The following SLC19A1 variants were observed in gnomAD, a reference collection of about 807,000 sequenced individuals.
The protein encoded by SLC19A1 is reduced folate transporter.
Under a neutral mutation model 35.3 loss-of-function variants are expected in SLC19A1, and 37 were observed. That is an observed-to-expected ratio of 1.05 (90% CI 0.81 to 1.38). The LOEUF (loss-of-function observed/expected upper bound fraction) is 1.38. Ranked by LOEUF, SLC19A1 falls within the 40% of genes most tolerant of loss-of-function variation. SLC19A1 has a pLI of 0.00. For missense variants in SLC19A1, 831 were observed against 826.9 expected (o/e 1.00, Z -0.06); for synonymous variants, 460 against 398.5 (o/e 1.15, Z -1.84).
chr21:45,508,463 A>ATGGATGG (rs796574229), downstream of SLC19A1, among the ~76,000 whole-genome samples: 3 of 71,780 alleles, frequency 4.2e-5, 1 homozygote, highest in African/African-American at 6.0e-5. Flanking sequence ...GGATGGGTGG[A>ATGGATGG]TGGACAGGTG....
upstream of SLC19A1, among the ~76,000 whole-genome samples, chr21:45,543,506 A>G (rs1164169097): frequency 2.0e-5 from 3 of 152,218 alleles, no homozygotes; most frequent in Non-Finnish European, 4.4e-5. Flanking sequence ...TGTAGACAGC[A>G]CAATCCGCGA....
intron 1 of SLC19A1, among the ~76,000 whole-genome samples, chr21:45,550,450 G>A (rs943695924): frequency 1.3e-5 from 2 of 152,200 alleles, no homozygotes; most frequent in East Asian, 1.9e-4. Flanking sequence ...ACGTTTCCAC[G>A]TGGAAAGGGC....
rs1363413212 is a variant in SLC19A1 at position 45,503,968 on chromosome 21, C to G, written c.498-5356G>C. The G allele has an allele frequency of 8.1e-6, 13 of 1,612,102 alleles. No individual in the cohort carries two copies. The South Asian group carries it at 1.4e-4, about 18-fold the overall frequency. ...GGCTGCAGAGGGAACCCGGCGCTGT[C>G]AGACACCACCTCAGCGAGACCCCGC... On this transcript the variant is annotated intron_variant, in intron 3 of 4. Transcript: ENST00000417954.
At chr21:45,526,455 A>T (rs751828496) in intron 4 of SLC19A1, among the ~76,000 whole-genome samples, 1 of 152,218 alleles carries the variant, frequency 6.6e-6, no homozygotes, top group Non-Finnish European at 1.5e-5. Context: ...AATTTTGTGC[A>T]TGAAGAAACT....
intron 1 of SLC19A1, among the ~76,000 whole-genome samples, chr21:45,558,392 G>A (rs1044721850): frequency 2.0e-5 from 3 of 152,226 alleles, no homozygotes; most frequent in Non-Finnish European, 2.9e-5. Context: ...AATCTTTGAA[G>A]GATTCGCCCC....
downstream of SLC19A1, chr21:45,511,086 CACAT>C (rs1568954946): frequency 1.5e-5 from 17 of 1,151,924 alleles, no homozygotes; most frequent in African/African-American, 2.6e-5. Context: ...ACACCACACA[CACAT>C]ACACACGGTT....
At chr21:45,539,341 G>A (rs768116043) in intron 1 of SLC19A1, among the ~76,000 whole-genome samples, 12 of 152,244 alleles carry the variant, frequency 7.9e-5, no homozygotes, top group Non-Finnish European at 1.5e-4. Context: ...CGCATGCAGA[G>A]GGCAGCTGAG....
intron 3 of SLC19A1, chr21:45,506,988 A>G (rs1483243480): frequency 1.1e-5 from 3 of 279,564 alleles, no homozygotes; most frequent in Non-Finnish European, 7.2e-6. Flanking sequence ...ACCCGGATGC[A>G]GCCCCATCCT....
intron 5 of SLC19A1, 46 bp downstream of exon 5, chr21:45,525,771 A>C (rs1049739556): frequency 2.5e-6 from 4 of 1,602,308 alleles, no homozygotes; most frequent in Non-Finnish European, 2.6e-6. Flanking sequence ...CAATGTCCCC[A>C]CAAGTAGCTT....
intron 4 of SLC19A1, among the ~76,000 whole-genome samples, chr21:45,526,206 CAG>C (rs2077614244): frequency 6.6e-6 from 1 of 152,212 alleles, no homozygotes; most frequent in Non-Finnish European, 1.5e-5. Flanking sequence ...TGGCTCAGTA[CAG>C]AGTGAGGGTC....
At chr21:45,503,155 C>T (rs1381855186) in intron 3 of SLC19A1, among the ~76,000 whole-genome samples, 2 of 152,160 alleles carry the variant, frequency 1.3e-5, no homozygotes, top group African/African-American at 4.8e-5. Context: ...CACTGACTTC[C>T]ACAATGGTTG....
At chr21:45,523,194 G>A (rs771947380) in intron 5 of SLC19A1, among the ~76,000 whole-genome samples, 103 of 152,282 alleles carry the variant, frequency 6.8e-4, no homozygotes, top group Non-Finnish European at 1.3e-3. Flanking sequence ...CTGGAGGAAA[G>A]AGAGTGGACA....
At chr21:45,559,812 A>G (rs1472809833) in intron 1 of SLC19A1, among the ~76,000 whole-genome samples, 1 of 152,232 alleles carries the variant, frequency 6.6e-6, no homozygotes, top group Non-Finnish European at 1.5e-5. Flanking sequence ...ATTGCTAGAC[A>G]TGGAGTTTGC....
intron 2 of SLC19A1, 88 bp from the exon 3 acceptor site, chr21:45,532,236 C>G (rs1602834375): frequency 4.5e-6 from 5 of 1,116,016 alleles, no homozygotes; most frequent in Non-Finnish European, 6.5e-6. Context: ...TGGCTGCTGA[C>G]GGCTTCCTGC....
rs938380690 is a variant in SLC19A1, at chr21:45,505,075, G to A, written c.498-6463C>T. On this transcript the variant is annotated intron_variant, in intron 3 of 4. Transcript: ENST00000417954. ...TTGGCAGCTGCAGCCCCACAAGCTT[G>A]CCCGCCCCCAGTCCAGGGCACGAGG... 127 of 1,578,730 alleles carry A rather than the reference G, an allele frequency of 8.0e-5. No individual in the cohort carries two copies. In the Admixed American group the frequency reaches 2.1e-3, roughly 27 times the overall value.
chr21:45,508,326 G>A (rs2037359213), downstream of SLC19A1, among the ~76,000 whole-genome samples: 1 of 151,696 alleles, frequency 6.6e-6, no homozygotes, highest in Admixed American at 6.6e-5. Context: ...TGGGTGAGTG[G>A]ATAGATGGGC....
chr21:45,511,345 C>G (rs533463430), downstream of SLC19A1: 1 of 692,514 alleles, frequency 1.4e-6, no homozygotes, highest in Non-Finnish European at 2.7e-6. Context: ...ATGCTCATTA[C>G]TTTAAAATTA....
downstream of SLC19A1, among the ~76,000 whole-genome samples, chr21:45,509,880 GCT>G (rs1238359255): frequency 1.3e-5 from 2 of 152,206 alleles, no homozygotes; most frequent in African/African-American, 4.8e-5. Flanking sequence ...GCCCGGGGCT[GCT>G]CTGACCTGGC....
chr21:45,555,218 G>GGC (rs1310089742), intron 1 of SLC19A1, among the ~76,000 whole-genome samples: 2 of 24,646 alleles, frequency 8.1e-5, no homozygotes, highest in African/African-American at 4.3e-4. Context: ...GGGCGGTGGG[G>GGC]GGCGCCGGGG....
Sources: allele counts gnomAD v4.1 joint callset (sites outside exome capture counted in the v4.1 genomes callset), GRCh38; gene constraint gnomAD v4.1.1; transcripts MANE v1.5; gene names NCBI Gene and HGNC (gene_info 2026-07-23, HGNC 2026-07-21).